Variants in MLN observed in about 807,000 individuals in gnomAD.
MLN encodes the protein promotilin.
MLN carries 14 observed loss-of-function variants against 13.3 expected under a neutral mutation model. The observed-to-expected ratio is 1.05, with a 90% confidence interval of 0.69 to 1.64. The LOEUF (loss-of-function observed/expected upper bound fraction) is 1.64, where lower values mean the gene tolerates loss of function less well. Ranked by LOEUF, MLN falls within the 40% of genes most tolerant of loss-of-function variation. The pLI, the probability that MLN is intolerant of heterozygous loss-of-function variation, is 0.00. For missense variants in MLN, 122 were observed against 142.9 expected (o/e 0.85, Z 0.75); for synonymous variants, 59 against 54.7 (o/e 1.08, Z -0.34).
intron 3 of MLN, among the ~76,000 whole-genome samples, chr6:33,796,400 C>T (rs1238264779): frequency 6.6e-6 from 1 of 152,198 alleles, no homozygotes; most frequent in Non-Finnish European, 1.5e-5. Flanking sequence ...GCTACCTTTC[C>T]TCTTGTTGTC....
Position 33,801,038 on chromosome 6 carries a change from G to A in MLN, c.117+9C>T. The A allele has an allele frequency of 6.3e-7, 1 of 1,598,870 alleles. No individual in the cohort carries two copies. The highest frequency in any genetic ancestry group is 8.6e-7 in the Non-Finnish European group (1 of 1,166,238). On this transcript the variant is annotated intron_variant, in intron 2 of 4. Transcript: ENST00000430124. ...CTTGCTAGCAGGGCAGGCAGCAGGG[G>A]GTTCTTACCTGCATCCTCTGGAGTT...
intron 3 of MLN, among the ~76,000 whole-genome samples, chr6:33,795,984 G>A (rs1015667059): frequency 1.4e-5 from 2 of 146,446 alleles, no homozygotes; most frequent in African/African-American, 5.1e-5. Flanking sequence ...TTTTGAGACG[G>A]AGTCTTGCTC....
rs765520457 is a variant in MLN at position 33,795,679 on chromosome 6, G to A, written c.235-74C>T. On this transcript the variant is annotated intron_variant, in intron 3 of 4. Coordinates refer to ENST00000430124, the MANE Select transcript of MLN (RefSeq NM_002418.3). ...TTAACCCCTGGGTGCACTACAGGTG[G>A]CAGGAGGGACCCTTGGGAGCCACAC... 17 of 1,312,072 alleles carry A rather than the reference G, an allele frequency of 1.3e-5. No homozygotes were observed. In the Admixed American group the frequency reaches 2.0e-4, roughly 15 times the overall value. 81.3% of individuals were successfully genotyped at this position (1,312,072 alleles called of 1,614,324 possible).
intron 1 of MLN, 111 bp from the exon 2 acceptor site, chr6:33,801,281 A>G (rs1214297117): frequency 1.1e-5 from 8 of 758,976 alleles, no homozygotes; most frequent in Non-Finnish European, 1.8e-5. Flanking sequence ...TAGCTGTGTG[A>G]TCTTCAGCCA....
At chr6:33,801,808 A>G (rs1046682255) in intron 1 of MLN, among the ~76,000 whole-genome samples, 3 of 152,390 alleles carry the variant, frequency 2.0e-5, no homozygotes, top group African/African-American at 7.2e-5. Context: ...CCCGTGCTCC[A>G]GTGCATCTAG....
intron 3 of MLN, among the ~76,000 whole-genome samples, chr6:33,796,710 C>T (rs978013985): frequency 1.3e-5 from 2 of 152,184 alleles, no homozygotes; most frequent in African/African-American, 4.8e-5. Context: ...TGTGCCGTTC[C>T]CAGCTGTGGT....
chr6:33,803,759 C>T lies in MLN; in HGVS notation c.-8+194G>A, dbSNP rs1760906924. 1.3e-5 allele frequency among the ~76,000 whole-genome samples: 2 copies of T among 152,364 alleles called. No homozygotes were observed. The highest frequency in any genetic ancestry group is 4.1e-4 in the South Asian group (2 of 4,828). On this transcript the variant is annotated intron_variant, in intron 1 of 4. Transcript: ENST00000430124. This position sits in a 1 kb window ranked among gnomAD's most constrained non-coding sequence, Gnocchi z 4.5. The stretch of plus-strand genomic sequence containing the variant: ...AGGAGTTGTACCCACCTGCTTGCCT[C>T]CAGCGTCTGTGCCTCAGCCCTGCCT...
chr6:33,796,767 A>G (rs1260272861), intron 3 of MLN, among the ~76,000 whole-genome samples: 1 of 152,198 alleles, frequency 6.6e-6, no homozygotes, highest in East Asian at 1.9e-4. Context: ...ACTTAACACA[A>G]GGAGGCTGGA....
intron 3 of MLN, among the ~76,000 whole-genome samples, chr6:33,797,813 C>A (rs77120960): frequency 0.022 from 3,406 of 152,192 alleles, 130 homozygotes; most frequent in African/African-American, 0.078. Context: ...GCTGGAGAGA[C>A]CCCTTTAAAA....
Position 33,802,564 on chromosome 6 carries a change from C to T in MLN, c.-8+1389G>A, listed in dbSNP as rs371967543. Among the ~76,000 whole-genome samples, 20 of 152,336 alleles carry T rather than the reference C, an allele frequency of 1.3e-4. No homozygotes were observed. In the South Asian group the frequency reaches 1.4e-3, roughly 11 times the overall value. The stretch of plus-strand genomic sequence containing the variant: ...TCTGAAACCACCCTACCACGCCAGA[C>T]GCTCCCTCTGCCTTCTTGCTATTCC... On this transcript the variant is annotated intron_variant, in intron 1 of 4. Coordinates refer to ENST00000430124, the MANE Select transcript of MLN (RefSeq NM_002418.3).
intron 3 of MLN, 116 bp downstream of exon 3, chr6:33,798,989 C>A (rs1004393782): frequency 1.1e-5 from 7 of 640,386 alleles, no homozygotes; most frequent in African/African-American, 3.6e-5. Context: ...TTGCTCACTG[C>A]GATATCCTAG....
rs780202334 is a variant in MLN, at chr6:33,799,270, G to A, written c.118-49C>T. ...ACAAAACCGCCCTCCCTCAACCCAC[G>A]CTGATGGCCCCTTGCCTGTCTCCAT... On this transcript the variant is annotated intron_variant, in intron 2 of 4. Transcript: ENST00000430124. This position sits in a 1 kb window ranked among gnomAD's most constrained non-coding sequence, Gnocchi z 4.6. The A allele has an allele frequency of 3.6e-5, 49 of 1,348,258 alleles. No individual in the cohort carries two copies. Among genetic ancestry groups the A allele is most frequent in the Non-Finnish European group, 4.9e-5 (46 of 944,196 alleles). The allele number at this position is 1,348,258 out of a possible 1,614,324, so 83.5% of individuals were successfully genotyped here. A position where few individuals can be genotyped will look rare whatever the true frequency, so the allele number is the denominator to read the frequency against.
intron 2 of MLN, 102 bp downstream of exon 2, chr6:33,800,945 G>A (rs1768030144): frequency 3.4e-6 from 3 of 879,422 alleles, no homozygotes. Context: ...TGGAACTGGG[G>A]GTTATCTTGG....
chr6:33,795,121 C>T (rs1185299581), intron 4 of MLN, among the ~76,000 whole-genome samples: 8 of 152,222 alleles, frequency 5.3e-5, no homozygotes, highest in Admixed American at 1.3e-4. Flanking sequence ...TAGCTTTGCT[C>T]AGGTAACTCG....
Position 33,799,265 on chromosome 6 carries a change from C to T in MLN, c.118-44G>A, listed in dbSNP as rs534729096. 2.8e-6 allele frequency: 4 copies of T among 1,431,568 alleles called. No individual in the cohort carries two copies. The highest frequency in any genetic ancestry group is 2.8e-5 in the African/African-American group (2 of 71,474). 88.7% of individuals were successfully genotyped at this position (1,431,568 alleles called of 1,614,324 possible). ...ATTGCACAAAACCGCCCTCCCTCAACCCACGCTGATGGCCCCTTGCCTGTC... is the reference window on the plus strand; with the variant it reads ...ATTGCACAAAACCGCCCTCCCTCAATCCACGCTGATGGCCCCTTGCCTGTC... On this transcript the variant is annotated intron_variant, in intron 2 of 4. Transcript: ENST00000430124. This position sits in a 1 kb window ranked among gnomAD's most constrained non-coding sequence, Gnocchi z 4.6.
chr6:33,801,178 A>G lies in MLN; in HGVS notation c.-7-8T>C, dbSNP rs752636407. The G allele has an allele frequency of 3.7e-6, 6 of 1,600,674 alleles. No homozygotes were observed. Among genetic ancestry groups the G allele is most frequent in the Middle Eastern group, 1.7e-4 (1 of 6,060 alleles). On this transcript the variant is annotated splice_region_variant and splice_polypyrimidine_tract_variant and intron_variant, in intron 1 of 4. Coordinates refer to ENST00000430124, the MANE Select transcript of MLN (RefSeq NM_002418.3). ...CGGGATACCATCTTGGAGCTGGACA[A>G]TGACAAGGAGCTCTTGTCACTAAGT...
intron 4 of MLN, 134 bp downstream of exon 4, chr6:33,795,369 G>C: frequency 2.8e-6 from 2 of 711,108 alleles, no homozygotes; most frequent in East Asian, 2.7e-5. Flanking sequence ...GCATAGCCCA[G>C]GGAGAAGACG....
intron 1 of MLN, among the ~76,000 whole-genome samples, chr6:33,801,771 G>A (rs146983795): frequency 1.3e-5 from 2 of 152,364 alleles, no homozygotes; most frequent in Non-Finnish European, 2.9e-5. Flanking sequence ...CGTTGGGGGA[G>A]CGATGGCTTG....
chr6:33,802,737 AC>A (rs1252444774), intron 1 of MLN, among the ~76,000 whole-genome samples: 1 of 152,072 alleles, frequency 6.6e-6, no homozygotes, highest in Non-Finnish European at 1.5e-5. Context: ...CCCACCCAAG[AC>A]CACCTCCCAG....
Sources: gnomAD v4.1 joint callset for allele counts (sites outside exome capture counted in the v4.1 genomes callset) on GRCh38, gnomAD v4.1.1 for gene constraint, Gnocchi (gnomAD v3.1) non-coding constraint, MANE v1.5 for transcripts, NCBI Gene and HGNC (gene_info 2026-07-23, HGNC 2026-07-21) for gene names.